CPED1: variants seen among roughly 807,000 people sequenced by gnomAD.
CPED1 encodes cadherin like and PC-esterase domain containing 1, also known as cadherin-like and PC-esterase domain-containing protein 1.
CPED1 carries 114 observed loss-of-function variants against 128.2 expected under a neutral mutation model. The ratio of observed to expected loss-of-function variants is 0.89; its 90% CI spans 0.76 to 1.04. The LOEUF (loss-of-function observed/expected upper bound fraction) is 1.04, where lower values mean the gene tolerates loss of function less well. CPED1 is among the 50% of genes least tolerant of loss of function. The pLI, the probability that CPED1 is intolerant of heterozygous loss-of-function variation, is 0.00. For synonymous variants in CPED1, 462 were observed against 426.7 expected, an observed-to-expected ratio of 1.08 and a Z score of -1.02; for missense variants, 1,211 against 1,207.1, an observed-to-expected ratio of 1.00 and a Z score of -0.05.
At chr7:121,213,595 T>A (rs1350038576) in intron 16 of CPED1, among the ~76,000 whole-genome samples, 4 of 152,066 alleles carry the variant, frequency 2.6e-5, no homozygotes, top group Non-Finnish European at 5.9e-5. Flanking sequence ...TACCCATGAA[T>A]GTCAATAAGA....
intron 16 of CPED1, among the ~76,000 whole-genome samples, chr7:121,205,913 G>C (rs1261326350): frequency 6.6e-6 from 1 of 152,044 alleles, no homozygotes; most frequent in Non-Finnish European, 1.5e-5. Flanking sequence ...AGCTGATTTT[G>C]TTCCAAACAT....
chr7:121,158,333 C>T (rs999992825), intron 16 of CPED1, among the ~76,000 whole-genome samples: 1 of 152,166 alleles, frequency 6.6e-6, no homozygotes. Flanking sequence ...TTGACATCCT[C>T]TTTCCCATGC....
chr7:121,295,624 G>A lies in CPED1; in HGVS notation c.3053G>A (p.Arg1018Lys), dbSNP rs1301749005. Residue 1018 changes from arginine to lysine, a missense_variant, in exon 23 of 23, where the codon AGG becomes AAG. Transcript: ENST00000310396. ...NQVCSEILLS[R>K]MCANKRTM The stretch of plus-strand genomic sequence containing the variant: ...GTTTGTTCTGAAATCCTTCTCAGCA[G>A]GATGTGTGCAAATAAAAGGACTATG... The A allele has an allele frequency of 5.0e-6, 8 of 1,613,964 alleles. No homozygotes were observed. Among genetic ancestry groups the A allele is most frequent in the Non-Finnish European group, 6.8e-6 (8 of 1,179,874 alleles).
chr7:121,168,106 A>G (rs975845106), intron 16 of CPED1, among the ~76,000 whole-genome samples: 1 of 152,122 alleles, frequency 6.6e-6, no homozygotes, highest in East Asian at 1.9e-4. Context: ...CAGCTTCTCT[A>G]TGTATGCAGA....
chr7:121,079,956 C>A (rs1008898711), intron 5 of CPED1, among the ~76,000 whole-genome samples: 2 of 152,070 alleles, frequency 1.3e-5, no homozygotes, highest in Admixed American at 6.6e-5. Context: ...TTCAATAGAC[C>A]AAAACTGAAG....
chr7:121,028,839 G>C (rs993879049), intron 3 of CPED1, among the ~76,000 whole-genome samples: 1 of 152,170 alleles, frequency 6.6e-6, no homozygotes, highest in East Asian at 1.9e-4. Context: ...GTACACTAAT[G>C]AATGAGAGGG....
rs149084070 is a variant in CPED1 at position 121,186,311 on chromosome 7, A to T, written c.2055+44170A>T. ...CATTGTATGCATGGGAATTTATAGAAAGCTGCTTTCTCCATAACTTTAAAA... is the reference window on the plus strand; with the variant it reads ...CATTGTATGCATGGGAATTTATAGATAGCTGCTTTCTCCATAACTTTAAAA... On this transcript the variant is annotated intron_variant, in intron 16 of 22. Transcript: ENST00000310396. Among the ~76,000 whole-genome samples the T allele has an allele frequency of 2.6e-5, 4 of 152,294 alleles. No individual in the cohort carries two copies. The East Asian group carries it at 7.7e-4, about 29-fold the overall frequency.
intron 3 of CPED1, among the ~76,000 whole-genome samples, chr7:121,033,768 A>T (rs1449997845): frequency 6.6e-6 from 1 of 152,226 alleles, no homozygotes; most frequent in East Asian, 1.9e-4. Flanking sequence ...ATACTGTGGC[A>T]TTAAGTAATA....
chr7:121,004,808 C>A (rs1242573512), intron 2 of CPED1, among the ~76,000 whole-genome samples: 2 of 152,110 alleles, frequency 1.3e-5, no homozygotes, highest in African/African-American at 4.8e-5. Context: ...GGCTAATATC[C>A]TAATGTGTGA....
At position 121,130,276 on chromosome 7, in the gene CPED1, A is replaced by G; in HGVS notation, c.1559A>G (p.Gln520Arg). The change falls in exon 12 of 23, where the codon CAG becomes CGG. Residue 520 changes from glutamine (Q) to arginine (R), a missense_variant. By Grantham distance (43) the Gln-to-Arg change is conservative (BLOSUM62 1). Transcript: ENST00000310396. ...EQFQFMNKKTQPHPLEWNSFT... is the reference protein window; with the variant it reads ...EQFQFMNKKTRPHPLEWNSFT... ...TTTCAGTTCATGAATAAAAAGACAC[A>G]GCCACATCCACTGGAATGGTAAGAT... The G allele has an allele frequency of 1.2e-6, 2 of 1,602,878 alleles. No homozygotes were observed. Among genetic ancestry groups the G allele is most frequent in the Non-Finnish European group, 1.7e-6 (2 of 1,176,032 alleles).
At chr7:121,219,294 A>G (rs1797826772) in intron 16 of CPED1, among the ~76,000 whole-genome samples, 1 of 151,910 alleles carries the variant, frequency 6.6e-6, no homozygotes, top group South Asian at 2.1e-4. Flanking sequence ...TAGATTTTCC[A>G]GTCGAAATCC....
intron 2 of CPED1, among the ~76,000 whole-genome samples, chr7:121,015,294 G>T (rs749037912): frequency 6.6e-6 from 1 of 152,178 alleles, no homozygotes; most frequent in Admixed American, 6.5e-5. Context: ...ACCTAAAAGA[G>T]CTATTAAAAG....
In CPED1 at chr7:121,124,349, A is replaced by T. The variant is rs1289482622; in HGVS notation, c.937A>T (p.Thr313Ser). 1 of 1,606,270 alleles carries T rather than the reference A, an allele frequency of 6.2e-7. No individual in the cohort carries two copies. The highest frequency in any genetic ancestry group is 8.5e-7 in the Non-Finnish European group (1 of 1,176,780). The change falls in exon 8 of 23, where the codon ACA becomes TCA. Residue 313 changes from threonine (T) to serine (S), a missense_variant. Coordinates refer to ENST00000310396, the MANE Select transcript of CPED1 (RefSeq NM_024913.5). ...FTVKLQTFFE[T>S]FLRASSPQQA... ...TTCACAGCTGCAAACATTTTTTGAG[A>T]CATTCCTGAGAGCCAGTTCACCTCA... is the stretch of plus-strand genomic sequence containing the variant.
intron 3 of CPED1, among the ~76,000 whole-genome samples, chr7:121,022,620 G>A (rs1792472049): frequency 6.6e-6 from 1 of 151,756 alleles, no homozygotes; most frequent in Admixed American, 6.6e-5. Flanking sequence ...TAGGTTTGTG[G>A]GTCATCTGCT....
At chr7:121,019,477 A>G (rs996655953) in intron 3 of CPED1, among the ~76,000 whole-genome samples, 2 of 152,014 alleles carry the variant, frequency 1.3e-5, no homozygotes, top group African/African-American at 4.8e-5. Flanking sequence ...GCCACAAGTA[A>G]TTCTTATGTG....
rs140836477 is a variant in CPED1, at chr7:121,018,021, C to T, written c.433+2173C>T. Among the ~76,000 whole-genome samples the T allele has an allele frequency of 5.2e-3, 790 of 152,200 alleles. 12 individuals are homozygous for T. The highest frequency in any genetic ancestry group is 0.049 in the South Asian group (237 of 4,828). ...TGTATAATAAGATATTATTACTGGA[C>T]AGGTCTCAAGAAAGGGTAGCAATTT... On this transcript the variant is annotated intron_variant, in intron 3 of 22. Transcript: ENST00000310396.
intron 5 of CPED1, chr7:121,083,629 G>A (rs1794346507): frequency 6.6e-6 from 1 of 152,242 alleles, no homozygotes. Context: ...ATAGCAGGGA[G>A]GTACAGATGG....
chr7:121,281,619 A>T (rs1792463956), intron 22 of CPED1, among the ~76,000 whole-genome samples: 1 of 152,208 alleles, frequency 6.6e-6, no homozygotes, highest in East Asian at 1.9e-4. Context: ...AATTCTTGCT[A>T]CACTGAGTCA....
At chr7:121,185,435 A>G (rs1188814600) in intron 16 of CPED1, among the ~76,000 whole-genome samples, 1 of 152,188 alleles carries the variant, frequency 6.6e-6, no homozygotes, top group Non-Finnish European at 1.5e-5. Flanking sequence ...TTACATTTTA[A>G]TTCTAAAATC....
Sources: allele counts gnomAD v4.1 joint callset (sites outside exome capture counted in the v4.1 genomes callset), GRCh38; gene constraint gnomAD v4.1.1; transcripts MANE v1.5; gene names NCBI Gene and HGNC (gene_info 2026-07-23, HGNC 2026-07-21).